Variants in MAP2 observed in about 807,000 individuals in gnomAD.
The protein encoded by MAP2 is microtubule-associated protein 2.
Under a neutral mutation model 137.6 loss-of-function variants are expected in MAP2, and 14 were observed. The observed-to-expected ratio is 0.10, with a 90% CI of 0.07 to 0.16. The LOEUF (loss-of-function observed/expected upper bound fraction) is 0.16. MAP2 is among the 10% of genes least tolerant of loss of function. The pLI is 1.00. For synonymous variants in MAP2, 786 were observed against 782.3 expected, an observed-to-expected ratio of 1.00 and a Z score of -0.08; for missense variants, 2,088 against 2,191.5, an observed-to-expected ratio of 0.95 and a Z score of 0.94.
intron 2 of MAP2, among the ~76,000 whole-genome samples, chr2:209,552,851 ACT>A (rs2069521946): frequency 6.6e-6 from 1 of 151,958 alleles, no homozygotes; most frequent in African/African-American, 2.4e-5. Context: ...ACAGAGCATG[ACT>A]CTGTCTCAAA....
chr2:209,435,987 A>G (rs1695982463), intron 1 of MAP2, among the ~76,000 whole-genome samples: 1 of 88,938 alleles, frequency 1.1e-5, no homozygotes, highest in Non-Finnish European at 2.0e-5. Context: ...TATACAGTAT[A>G]TATTATATAC....
At chr2:209,638,287 C>T (rs1452531826) in intron 4 of MAP2, among the ~76,000 whole-genome samples, 2 of 152,062 alleles carry the variant, frequency 1.3e-5, no homozygotes, top group Non-Finnish European at 2.9e-5. Flanking sequence ...TATATGAAGG[C>T]TGATCCAGTT....
intron 1 of MAP2, among the ~76,000 whole-genome samples, chr2:209,471,986 C>T (rs1705854745): frequency 6.6e-6 from 1 of 152,040 alleles, no homozygotes; most frequent in Admixed American, 6.6e-5. Context: ...GCTATTCTCC[C>T]CACCACCACT....
chr2:209,501,280 C>T (rs1391640613), intron 1 of MAP2, among the ~76,000 whole-genome samples: 1 of 152,100 alleles, frequency 6.6e-6, no homozygotes, highest in South Asian at 2.1e-4. Flanking sequence ...GAATTTTCAG[C>T]TCACAATTAA....
At chr2:209,704,128 T>C (rs926256315) in intron 11 of MAP2, 10 of 447,252 alleles carry the variant, frequency 2.2e-5, no homozygotes, top group Admixed American at 4.8e-5. Flanking sequence ...TCCCCCACTT[T>C]TGGAGTCACC....
In MAP2 at chr2:209,693,403, A is replaced by G. The variant is rs745445351; in HGVS notation, c.1233A>G (p.Glu411=). The change falls in exon 8 of 16, where the codon GAA becomes GAG. Residue 411 remains glutamate, a synonymous_variant. Coordinates refer to ENST00000682079, the MANE Select transcript of MAP2 (RefSeq NM_001375505.1). The part of the protein sequence containing the change: ...EHVMGKVLEE[E]KEAINQETVQ... ...TTATGGGGAAAGTTTTAGAGGAAGA[A>G]AAGGAGGCCATAAATCAAGAGACTG... is the stretch of plus-strand genomic sequence containing the variant. 1 of 1,613,294 alleles carries G rather than the reference A, an allele frequency of 6.2e-7. No homozygotes were observed.
intron 1 of MAP2, among the ~76,000 whole-genome samples, chr2:209,476,734 C>G (rs1707338170): frequency 6.6e-6 from 1 of 152,164 alleles, no homozygotes; most frequent in Non-Finnish European, 1.5e-5. Flanking sequence ...AACCCATCAC[C>G]TAAATATTGC....
At chr2:209,599,003 G>T (rs2082219628) in intron 3 of MAP2, among the ~76,000 whole-genome samples, 2 of 152,186 alleles carry the variant, frequency 1.3e-5, no homozygotes, top group Non-Finnish European at 1.5e-5. Context: ...TCTAGTTCTA[G>T]ATCCCTGAGG....
intron 3 of MAP2, among the ~76,000 whole-genome samples, chr2:209,610,964 A>G (rs1464544080): frequency 6.6e-6 from 1 of 152,172 alleles, no homozygotes; most frequent in African/African-American, 2.4e-5. Context: ...ATGGGCATGA[A>G]TCCAAAGCTT....
chr2:209,731,291 T>C lies in MAP2; in HGVS notation c.*894T>C, dbSNP rs576277411. The C allele has an allele frequency of 6.6e-6, 1 of 152,564 alleles. No homozygotes were observed. The highest frequency in any genetic ancestry group is 2.4e-5 in the African/African-American group (1 of 41,554). 9.5% of individuals were successfully genotyped at this position (152,564 alleles called of 1,614,324 possible). On this transcript the variant is annotated 3_prime_UTR_variant, in exon 16 of 16. Transcript: ENST00000682079. ...CCCTTTGGTGTTGCAATTTTAGATA[T>C]GTGAAAGTAGATGTTAGCAGGGTTC...
intron 2 of MAP2, among the ~76,000 whole-genome samples, chr2:209,542,037 T>C (rs2067143167): frequency 6.6e-6 from 1 of 152,192 alleles, no homozygotes; most frequent in Non-Finnish European, 1.5e-5. Context: ...GCACAATCTG[T>C]GGTAGCTACA....
intron 7 of MAP2, among the ~76,000 whole-genome samples, chr2:209,688,055 G>A (rs956679634): frequency 1.3e-5 from 2 of 152,130 alleles, no homozygotes; most frequent in Admixed American, 1.3e-4. Context: ...CAGGGTGGGA[G>A]GGGCAGGAGC....
At chr2:209,504,935 G>A (rs1009724030) in intron 1 of MAP2, among the ~76,000 whole-genome samples, 4 of 152,122 alleles carry the variant, frequency 2.6e-5, no homozygotes, top group Non-Finnish European at 5.9e-5. Flanking sequence ...ACACACAGTA[G>A]TGCACATGCA....
At chr2:209,449,106 T>G (rs1699766656) in intron 1 of MAP2, among the ~76,000 whole-genome samples, 1 of 152,198 alleles carries the variant, frequency 6.6e-6, no homozygotes, top group Admixed American at 6.5e-5. Flanking sequence ...TTCTAGGCAT[T>G]AGAATACGGA....
intron 1 of MAP2, among the ~76,000 whole-genome samples, chr2:209,430,923 G>C (rs1694081283): frequency 6.7e-6 from 1 of 149,072 alleles, no homozygotes; most frequent in Non-Finnish European, 1.5e-5. Context: ...TTTGGCCACT[G>C]TATCTCAGAC....
At chr2:209,651,893 T>C (rs554156997) in intron 4 of MAP2, among the ~76,000 whole-genome samples, 1 of 152,218 alleles carries the variant, frequency 6.6e-6, no homozygotes, top group Non-Finnish European at 1.5e-5. Flanking sequence ...ATGGGAAAAC[T>C]TACTTTATTT....
At chr2:209,497,861 G>A (rs2123700) in intron 1 of MAP2, among the ~76,000 whole-genome samples, 83,002 of 151,966 alleles carry the variant, frequency 0.55, 23,267 homozygotes, top group Middle Eastern at 0.63. Flanking sequence ...CTCCAGCACT[G>A]GGGATTACAA....
intron 1 of MAP2, among the ~76,000 whole-genome samples, chr2:209,482,537 T>C (rs1460918263): frequency 6.6e-6 from 1 of 152,208 alleles, no homozygotes; most frequent in Non-Finnish European, 1.5e-5. Flanking sequence ...TTGTTGGTCA[T>C]AGGAAGTGAG....
At chr2:209,560,239 T>C (rs2071689674) in intron 2 of MAP2, among the ~76,000 whole-genome samples, 1 of 152,228 alleles carries the variant, frequency 6.6e-6, no homozygotes, top group Non-Finnish European at 1.5e-5. Flanking sequence ...ATATTTTATT[T>C]TGTGATACAT....
Sources: gnomAD v4.1 joint callset for allele counts (sites outside exome capture counted in the v4.1 genomes callset) on GRCh38, gnomAD v4.1.1 for gene constraint, MANE v1.5 for transcripts, NCBI Gene and HGNC (gene_info 2026-07-23, HGNC 2026-07-21) for gene names.